Variants in MLLT3 observed in about 807,000 individuals in gnomAD.
MLLT3 encodes the protein protein AF-9.
A neutral mutation model predicts 53.2 loss-of-function variants in MLLT3; 4 were observed. The observed-to-expected ratio is 0.08, with a 90% CI of 0.04 to 0.17. The LOEUF (loss-of-function observed/expected upper bound fraction) is 0.17. MLLT3 is among the 10% of genes least tolerant of loss of function. The pLI, the probability that MLLT3 is intolerant of heterozygous loss-of-function variation, is 1.00. For missense variants in MLLT3, 569 were observed against 684.0 expected (o/e 0.83, Z 1.87); for synonymous variants, 283 against 230.6 (o/e 1.23, Z -2.06).
chr9:20,419,829 C>T (rs1586935938), intron 4 of MLLT3, among the ~76,000 whole-genome samples: 1 of 151,928 alleles, frequency 6.6e-6, no homozygotes, highest in African/African-American at 2.4e-5. Flanking sequence ...GAACCAGAAA[C>T]GTTTTATGTG....
intron 5 of MLLT3, among the ~76,000 whole-genome samples, chr9:20,403,134 T>C (rs1020654033): frequency 2.0e-5 from 3 of 150,998 alleles, no homozygotes; most frequent in Non-Finnish European, 4.4e-5. Context: ...AAAAAAACAA[T>C]GAGACCCCTA....
chr9:20,600,079 C>A, intron 2 of MLLT3, among the ~76,000 whole-genome samples: 1 of 148,618 alleles, frequency 6.7e-6, no homozygotes, highest in Non-Finnish European at 1.5e-5. Context: ...TTTTTAAATC[C>A]ACACTGATTC....
intron 8 of MLLT3, among the ~76,000 whole-genome samples, chr9:20,355,115 A>C (rs951951985): frequency 1.3e-4 from 20 of 151,744 alleles, no homozygotes; most frequent in East Asian, 3.9e-4. Context: ...AAAAAAAAAA[A>C]AACAACACAG....
chr9:20,414,778 A>G (rs1822831177), intron 4 of MLLT3, among the ~76,000 whole-genome samples: 1 of 152,208 alleles, frequency 6.6e-6, no homozygotes, highest in African/African-American at 2.4e-5. Context: ...TGACGTATCT[A>G]TGATTGATAG....
chr9:20,372,554 A>ATTTTTTTT (rs34889625), intron 5 of MLLT3, among the ~76,000 whole-genome samples: 10 of 82,224 alleles, frequency 1.2e-4, no homozygotes, highest in Non-Finnish European at 1.8e-4. Flanking sequence ...CGCCCGGCTA[A>ATTTTTTTT]TTTTTTTTTT....
At chr9:20,538,191 A>C (rs114958626) in intron 2 of MLLT3, among the ~76,000 whole-genome samples, 3,119 of 152,348 alleles carry the variant, frequency 0.02, 102 homozygotes, top group African/African-American at 0.07. Flanking sequence ...TGTAAAATTC[A>C]AAGTAATAAA....
At chr9:20,452,760 ACTGT>A (rs1823869510) in intron 3 of MLLT3, among the ~76,000 whole-genome samples, 1 of 152,224 alleles carries the variant, frequency 6.6e-6, no homozygotes, top group African/African-American at 2.4e-5. Context: ...AAAGATGAGT[ACTGT>A]CTAAGTCCAC....
At chr9:20,543,820 A>C (rs1333152410) in intron 2 of MLLT3, among the ~76,000 whole-genome samples, 2 of 152,246 alleles carry the variant, frequency 1.3e-5, no homozygotes, top group Non-Finnish European at 2.9e-5. Context: ...TTATGGCATA[A>C]GAACACAAAG....
At chr9:20,602,250 T>C (rs904590521) in intron 2 of MLLT3, among the ~76,000 whole-genome samples, 17 of 152,178 alleles carry the variant, frequency 1.1e-4, no homozygotes, top group Non-Finnish European at 2.9e-5. Context: ...TCAGAGAAAT[T>C]TTCTGATTTA....
At chr9:20,395,842 C>A (rs1822308361) in intron 5 of MLLT3, among the ~76,000 whole-genome samples, 3 of 152,142 alleles carry the variant, frequency 2.0e-5, no homozygotes, top group Admixed American at 2.0e-4. Context: ...CTTTTATAGG[C>A]TTTAAGCTGT....
At chr9:20,446,475 G>A (rs1295158683) in intron 4 of MLLT3, among the ~76,000 whole-genome samples, 3 of 152,116 alleles carry the variant, frequency 2.0e-5, no homozygotes, top group South Asian at 2.1e-4. Context: ...GGCAACCCTC[G>A]ACTTCTCTGG....
intron 2 of MLLT3, among the ~76,000 whole-genome samples, chr9:20,520,190 G>A (rs773817261): frequency 6.6e-6 from 1 of 152,092 alleles, no homozygotes; most frequent in Non-Finnish European, 1.5e-5. Flanking sequence ...ACACACTGGG[G>A]CCTGTTGGAG....
chr9:20,563,505 T>C (rs553815846), intron 2 of MLLT3, among the ~76,000 whole-genome samples: 12 of 152,238 alleles, frequency 7.9e-5, no homozygotes, highest in Non-Finnish European at 1.2e-4. Context: ...GATTCCCTTA[T>C]GTGCACAAGG....
intron 2 of MLLT3, among the ~76,000 whole-genome samples, chr9:20,601,668 G>C (rs935004433): frequency 4.6e-5 from 7 of 152,154 alleles, no homozygotes; most frequent in African/African-American, 7.2e-5. Flanking sequence ...CCTGAAAGCA[G>C]ACAGATCCTC....
intron 1 of MLLT3, 47 bp downstream of exon 1, chr9:20,622,198 A>T: frequency 6.4e-7 from 1 of 1,563,330 alleles, no homozygotes; most frequent in Non-Finnish European, 8.8e-7. Flanking sequence ...CAGGGCGAGG[A>T]AGGAAAGTGG....
chr9:20,348,891 T>TGGG (rs1736533224), intron 10 of MLLT3, among the ~76,000 whole-genome samples: 3 of 152,318 alleles, frequency 2.0e-5, no homozygotes, highest in Non-Finnish European at 4.4e-5. Context: ...GTCAATCATA[T>TGGG]ACTTACTATA....
intron 2 of MLLT3, among the ~76,000 whole-genome samples, chr9:20,461,217 T>C (rs1159621697): frequency 2.0e-5 from 3 of 152,224 alleles, no homozygotes; most frequent in African/African-American, 4.8e-5. Context: ...TTGGGTTTAA[T>C]TGCATTTTTC....
intron 2 of MLLT3, among the ~76,000 whole-genome samples, chr9:20,494,589 T>C (rs994896908): frequency 1.3e-5 from 2 of 151,814 alleles, no homozygotes; most frequent in Non-Finnish European, 2.9e-5. Flanking sequence ...AACCTATCTA[T>C]TTTAACAGCA....
At chr9:20,397,206 A>C (rs1039731938) in intron 5 of MLLT3, among the ~76,000 whole-genome samples, 1 of 152,156 alleles carries the variant, frequency 6.6e-6, no homozygotes, top group African/African-American at 2.4e-5. Flanking sequence ...ATTTGAAAGC[A>C]TATTTTTTCA....
Sources: gnomAD v4.1 joint callset for allele counts (sites outside exome capture counted in the v4.1 genomes callset) on GRCh38, gnomAD v4.1.1 for gene constraint, MANE v1.5 for transcripts, NCBI Gene and HGNC (gene_info 2026-07-23, HGNC 2026-07-21) for gene names.